PPP4R4: variants seen among roughly 807,000 people sequenced by gnomAD.
PPP4R4 encodes serine/threonine-protein phosphatase 4 regulatory subunit 4.
Under a neutral mutation model 121.8 loss-of-function variants are expected in PPP4R4, and 70 were observed. The ratio of observed to expected loss-of-function variants is 0.57; its 90% CI spans 0.47 to 0.70. The LOEUF (loss-of-function observed/expected upper bound fraction) is 0.70. Ranked by LOEUF, PPP4R4 falls within the 30% of genes least tolerant of loss-of-function variation. The probability of loss-of-function intolerance (pLI) is 0.00; values close to 1 mark genes in which losing one functional copy is unlikely to be tolerated. For missense variants in PPP4R4, 875 were observed against 1,033.6 expected (o/e 0.85, Z 2.10); for synonymous variants, 348 against 355.7 (o/e 0.98, Z 0.24).
intron 2 of PPP4R4, among the ~76,000 whole-genome samples, chr14:94,199,595 G>A (rs901590487): frequency 6.6e-6 from 1 of 152,190 alleles, no homozygotes; most frequent in Non-Finnish European, 1.5e-5. Flanking sequence ...TGGAGAATAA[G>A]TGCAAGGTTG....
intron 3 of PPP4R4, among the ~76,000 whole-genome samples, chr14:94,216,927 C>A (rs75142801): frequency 0.013 from 1,992 of 152,152 alleles, 14 homozygotes; most frequent in South Asian, 0.022. Flanking sequence ...GAACTAGGAC[C>A]CTGCACTGAT....
chr14:94,273,247 A>T (rs376995022), intron 23 of PPP4R4, among the ~76,000 whole-genome samples: 1 of 152,212 alleles, frequency 6.6e-6, no homozygotes, highest in African/African-American at 2.4e-5. Context: ...CAGTAGGTAG[A>T]TGAATAAACA....
intron 24 of PPP4R4, among the ~76,000 whole-genome samples, chr14:94,275,789 T>A (rs1407771542): frequency 6.6e-6 from 1 of 152,228 alleles, no homozygotes; most frequent in Non-Finnish European, 1.5e-5. Context: ...TTTTTTTCTA[T>A]GAAATGTTTA....
chr14:94,189,675 A>T (rs1165896383), intron 2 of PPP4R4, among the ~76,000 whole-genome samples: 1 of 152,178 alleles, frequency 6.6e-6, no homozygotes, highest in African/African-American at 2.4e-5. Context: ...CTCCACCAGA[A>T]TGTCTTGCTG....
chr14:94,230,715 T>C lies in PPP4R4; in HGVS notation c.423T>C (p.His141=), dbSNP rs763821669. The C allele has an allele frequency of 6.2e-7, 1 of 1,613,564 alleles. No individual in the cohort carries two copies. Among genetic ancestry groups the C allele is most frequent in the Non-Finnish European group, 8.5e-7 (1 of 1,179,574 alleles). Residue 141 remains histidine, a synonymous_variant, in exon 4 of 25, where the codon CAT becomes CAC. Coordinates refer to ENST00000304338, the MANE Select transcript of PPP4R4 (RefSeq NM_058237.2). The part of the protein sequence containing the change: ...THSFLQVILL[H]LEHRDTGVSN... ...CATTCCTCCAAGTCATTCTCCTGCA[T>C]CTGGAGCACAGGGACACAGGTCAGG...
intron 3 of PPP4R4, among the ~76,000 whole-genome samples, chr14:94,228,957 A>G (rs1891868894): frequency 6.6e-6 from 1 of 152,158 alleles, no homozygotes; most frequent in African/African-American, 2.4e-5. Context: ...ACAAGGTGGT[A>G]TTTGAGTAGA....
intron 23 of PPP4R4, among the ~76,000 whole-genome samples, chr14:94,267,257 A>G (rs1026064610): frequency 1.3e-5 from 2 of 152,204 alleles, no homozygotes; most frequent in African/African-American, 4.8e-5. Flanking sequence ...AAATAGAAAA[A>G]GAACAAAAGT....
At chr14:94,188,504 T>C (rs918864557) in intron 2 of PPP4R4, among the ~76,000 whole-genome samples, 23 of 152,270 alleles carry the variant, frequency 1.5e-4, no homozygotes, top group African/African-American at 5.3e-4. Context: ...ATAAATAGCA[T>C]ATGGACCTAG....
intron 17 of PPP4R4, among the ~76,000 whole-genome samples, chr14:94,257,642 T>TACACACACACAAACACACACAC (rs1555359581): frequency 6.8e-6 from 1 of 146,882 alleles, no homozygotes; most frequent in Non-Finnish European, 1.5e-5. Context: ...CATTTAAATC[T>TACACACACACAAACACACACAC]ACACACACAC....
In PPP4R4 at chr14:94,227,903, C is replaced by T. The variant is rs1356182529; in HGVS notation, c.295-2684C>T. The T allele has an allele frequency of 3.1e-6, 3 of 977,226 alleles. No individual in the cohort carries two copies. The African/African-American group carries it at 5.3e-5, about 17-fold the overall frequency. 60.5% of individuals were successfully genotyped at this position (977,226 alleles called of 1,614,324 possible). A position where few individuals can be genotyped will look rare whatever the true frequency, so the allele number is the denominator to read the frequency against. On this transcript the variant is annotated intron_variant, in intron 3 of 24. Coordinates refer to ENST00000304338, the MANE Select transcript of PPP4R4 (RefSeq NM_058237.2). ...TCTTTTAAAAGTGTTTTCCAAACCC[C>T]AAATTGTTAGTGTGGAAGAAATGTT... is the stretch of plus-strand genomic sequence containing the variant.
At chr14:94,195,788 T>G (rs1421780948) in intron 2 of PPP4R4, among the ~76,000 whole-genome samples, 1 of 152,114 alleles carries the variant, frequency 6.6e-6, no homozygotes, top group Admixed American at 6.5e-5. Flanking sequence ...TAATACCCAA[T>G]GTACTACCCA....
At chr14:94,220,060 A>G (rs1891301977) in intron 3 of PPP4R4, among the ~76,000 whole-genome samples, 1 of 152,066 alleles carries the variant, frequency 6.6e-6, no homozygotes, top group Admixed American at 6.5e-5. Context: ...CATCCCTACT[A>G]AAAATACAAA....
chr14:94,218,144 A>G (rs1891130899), intron 3 of PPP4R4, among the ~76,000 whole-genome samples: 1 of 152,238 alleles, frequency 6.6e-6, no homozygotes, highest in Non-Finnish European at 1.5e-5. Context: ...GAGATAGAAA[A>G]GAGTGAAAAA....
chr14:94,208,830 G>T (rs952053788), intron 3 of PPP4R4, among the ~76,000 whole-genome samples: 1 of 151,308 alleles, frequency 6.6e-6, no homozygotes, highest in African/African-American at 2.4e-5. Flanking sequence ...GTTTTTAGTA[G>T]CTCAAAAACA....
At chr14:94,245,808 C>T (rs1892863825) in intron 13 of PPP4R4, 138 bp downstream of exon 13, 3 of 498,806 alleles carry the variant, frequency 6.0e-6, no homozygotes, top group Non-Finnish European at 7.1e-6. Flanking sequence ...TCAGTAAAAG[C>T]CTATTAGAGT....
At chr14:94,219,662 C>T (rs1485840217) in intron 3 of PPP4R4, among the ~76,000 whole-genome samples, 1 of 152,116 alleles carries the variant, frequency 6.6e-6, no homozygotes, top group Non-Finnish European at 1.5e-5. Flanking sequence ...CAGGGTTTAT[C>T]TCAGGAATTC....
At chr14:94,230,530 A>C in intron 3 of PPP4R4, 57 bp from the exon 4 acceptor site, 1 of 1,487,318 alleles carries the variant, frequency 6.7e-7, no homozygotes, top group South Asian at 1.2e-5. Flanking sequence ...GATTTTTAAA[A>C]ATTATAATTT....
chr14:94,242,342 A>C lies in PPP4R4; in HGVS notation c.1200A>C (p.Thr400=). ...PKNFHMELYS[T]FFCLCHDPEV... ...ACTTCCACATGGAACTCTATTCTACATTCTTCTGCCTTTGCCATGACCCTG... is the reference window on the plus strand; with the variant it reads ...ACTTCCACATGGAACTCTATTCTACCTTCTTCTGCCTTTGCCATGACCCTG... The change falls in exon 11 of 25, where the codon ACA becomes ACC. Residue 400 remains threonine, a synonymous_variant. Transcript: ENST00000304338. 6.2e-7 allele frequency: 1 copy of C among 1,608,906 alleles called. No individual in the cohort carries two copies.
At chr14:94,235,310 C>G (rs1892273734) in intron 7 of PPP4R4, among the ~76,000 whole-genome samples, 1 of 150,420 alleles carries the variant, frequency 6.6e-6, no homozygotes, top group African/African-American at 2.4e-5. Context: ...TGAGGGCCGA[C>G]TACACTCTAA....
Sources: allele counts gnomAD v4.1 joint callset (sites outside exome capture counted in the v4.1 genomes callset), GRCh38; gene constraint gnomAD v4.1.1; transcripts MANE v1.5; gene names NCBI Gene and HGNC (gene_info 2026-07-23, HGNC 2026-07-21).